Variants in SLC8A1 observed in about 807,000 individuals in gnomAD.
SLC8A1 encodes the protein sodium/calcium exchanger 1.
Under a neutral mutation model 68.3 loss-of-function variants are expected in SLC8A1, and 18 were observed. That is an observed-to-expected ratio of 0.26 (90% CI 0.18 to 0.39). The LOEUF is 0.39. Among genes scored for constraint, SLC8A1 ranks in the 10% least tolerant of loss-of-function variants. The pLI, the probability that SLC8A1 is intolerant of heterozygous loss-of-function variation, is 1.00. For missense variants in SLC8A1, 985 were observed against 1,156.7 expected, an observed-to-expected ratio of 0.85 and a Z score of 2.15; for synonymous variants, 475 against 415.5, an observed-to-expected ratio of 1.14 and a Z score of -1.74.
chr2:40,337,721 A>C (rs1286364895), intron 2 of SLC8A1, among the ~76,000 whole-genome samples: 1 of 152,148 alleles, frequency 6.6e-6, no homozygotes, highest in East Asian at 1.9e-4. Flanking sequence ...TCCCTAGGAA[A>C]ATGCAAAATA....
intron 2 of SLC8A1, among the ~76,000 whole-genome samples, chr2:40,186,084 C>T (rs1013528044): frequency 6.6e-6 from 1 of 152,176 alleles, no homozygotes; most frequent in Admixed American, 6.5e-5. Context: ...TTACCTCAGG[C>T]TGGCTTCCTT....
At chr2:40,249,773 ATTAC>A (rs1216057989) in intron 2 of SLC8A1, among the ~76,000 whole-genome samples, 15 of 152,306 alleles carry the variant, frequency 9.8e-5, no homozygotes, top group Admixed American at 3.3e-4. Context: ...GCTATAATTT[ATTAC>A]TTGGCTCAAA....
chr2:40,414,162 C>T (rs1251303440), intron 2 of SLC8A1, among the ~76,000 whole-genome samples: 1 of 152,148 alleles, frequency 6.6e-6, no homozygotes, highest in Non-Finnish European at 1.5e-5. Context: ...AAAGTCATTA[C>T]AGAGCTAATG....
intron 2 of SLC8A1, 71 bp downstream of exon 3, chr2:40,178,316 G>C: frequency 9.2e-7 from 1 of 1,092,210 alleles, no homozygotes; most frequent in Non-Finnish European, 1.4e-6. Flanking sequence ...ATGTTCTGAA[G>C]AGTGCAGGCA....
intron 1 of SLC8A1, among the ~76,000 whole-genome samples, chr2:40,435,593 C>T (rs1195495027): frequency 6.6e-6 from 1 of 152,052 alleles, no homozygotes; most frequent in Non-Finnish European, 1.5e-5. Context: ...CAGGCCCCTG[C>T]CTTATGACCA....
chr2:40,238,935 A>G (rs1040917632), intron 2 of SLC8A1, among the ~76,000 whole-genome samples: 1 of 152,166 alleles, frequency 6.6e-6, no homozygotes, highest in Non-Finnish European at 1.5e-5. Context: ...GAACATATGT[A>G]TATATGTGAA....
chr2:40,438,989 G>C (rs1449404782), intron 1 of SLC8A1, among the ~76,000 whole-genome samples: 1 of 152,098 alleles, frequency 6.6e-6, no homozygotes. Context: ...TCTAATATCA[G>C]TAAGATGTTG....
intron 2 of SLC8A1, among the ~76,000 whole-genome samples, chr2:40,375,740 C>T (rs1470323943): frequency 6.6e-6 from 1 of 152,108 alleles, no homozygotes; most frequent in Non-Finnish European, 1.5e-5. Flanking sequence ...TGGTGGCTCA[C>T]ACCTGTAATC....
At chr2:40,366,956 T>C (rs546663013) in intron 2 of SLC8A1, among the ~76,000 whole-genome samples, 33 of 152,182 alleles carry the variant, frequency 2.2e-4, no homozygotes, top group Admixed American at 2.1e-3. Flanking sequence ...AGGTTCGGTA[T>C]ATTAAAAGCA....
intron 2 of SLC8A1, among the ~76,000 whole-genome samples, chr2:40,236,968 C>G (rs2060475769): frequency 6.6e-6 from 1 of 152,104 alleles, no homozygotes; most frequent in South Asian, 2.1e-4. Flanking sequence ...GCCGAGAGAT[C>G]CGCTGTTAGT....
intron 3 of SLC8A1, chr2:40,176,113 C>G (rs2048429452): frequency 8.4e-6 from 2 of 236,976 alleles, no homozygotes; most frequent in Non-Finnish European, 1.7e-5. Flanking sequence ...TTAGTAAAAG[C>G]AACCTTGCTA....
At chr2:40,423,887 G>T (rs965476195) in intron 2 of SLC8A1, among the ~76,000 whole-genome samples, 2 of 151,922 alleles carry the variant, frequency 1.3e-5, no homozygotes, top group Non-Finnish European at 2.9e-5. Context: ...GTTTGCAGAT[G>T]ATATTATATG....
intron 2 of SLC8A1, among the ~76,000 whole-genome samples, chr2:40,207,358 A>C (rs966111289): frequency 1.3e-5 from 2 of 152,028 alleles, no homozygotes; most frequent in African/African-American, 4.8e-5. Flanking sequence ...CAATGCCCTT[A>C]GGGAGAATGA....
At chr2:40,334,222 G>A (rs1665206444) in intron 2 of SLC8A1, among the ~76,000 whole-genome samples, 1 of 152,194 alleles carries the variant, frequency 6.6e-6, no homozygotes, top group Non-Finnish European at 1.5e-5. Context: ...AGAGAAGTTA[G>A]TGATTTTCTC....
chr2:40,265,786 T>C (rs1466433656), intron 2 of SLC8A1, among the ~76,000 whole-genome samples: 2 of 152,142 alleles, frequency 1.3e-5, no homozygotes, highest in African/African-American at 4.8e-5. Flanking sequence ...CATATATTAC[T>C]GGAAACAAGA....
At chr2:40,346,154 T>C (rs1669240208) in intron 2 of SLC8A1, among the ~76,000 whole-genome samples, 1 of 151,974 alleles carries the variant, frequency 6.6e-6, no homozygotes, top group Non-Finnish European at 1.5e-5. Context: ...TTTAAGACTT[T>C]GAATGGATTC....
chr2:40,379,502 G>A (rs564724943), intron 2 of SLC8A1, among the ~76,000 whole-genome samples: 1 of 152,196 alleles, frequency 6.6e-6, no homozygotes, highest in Non-Finnish European at 1.5e-5. Flanking sequence ...GGCAAATGGT[G>A]CTTCTCAAAA....
chr2:40,423,575 G>A (rs1000093498), intron 2 of SLC8A1, among the ~76,000 whole-genome samples: 6 of 151,916 alleles, frequency 3.9e-5, no homozygotes, highest in Admixed American at 6.6e-5. Flanking sequence ...AAAAGAGCCC[G>A]TAATTTAAAC....
At chr2:40,236,866 G>T (rs1227892263) in intron 2 of SLC8A1, among the ~76,000 whole-genome samples, 2 of 151,220 alleles carry the variant, frequency 1.3e-5, no homozygotes, top group Non-Finnish European at 3.0e-5. Flanking sequence ...ATGAAGCTTA[G>T]TTTGGCTGGA....
Sources: allele counts gnomAD v4.1 joint callset (sites outside exome capture counted in the v4.1 genomes callset), GRCh38; gene constraint gnomAD v4.1.1; transcripts MANE v1.5; gene names NCBI Gene and HGNC (gene_info 2026-07-23, HGNC 2026-07-21).